Variants in FHOD3 observed in about 807,000 individuals in gnomAD.
FHOD3 encodes formin homology 2 domain containing 3.
Under a neutral mutation model 173.0 loss-of-function variants are expected in FHOD3, and 90 were observed. The ratio of observed to expected loss-of-function variants is 0.52; its 90% CI spans 0.44 to 0.62. The LOEUF (loss-of-function observed/expected upper bound fraction) is 0.62. Ranked by LOEUF, FHOD3 falls within the 20% of genes least tolerant of loss-of-function variation. The pLI is 0.00. For missense variants in FHOD3, 1,945 were observed against 2,034.7 expected (o/e 0.96, Z 0.85); for synonymous variants, 828 against 823.0 (o/e 1.01, Z -0.10).
intron 3 of FHOD3, among the ~76,000 whole-genome samples, chr18:36,440,971 G>A (rs1309969558): frequency 1.3e-5 from 2 of 152,044 alleles, no homozygotes; most frequent in Non-Finnish European, 2.9e-5. Flanking sequence ...TTTTGCAATT[G>A]GCAGGGCACC....
chr18:36,515,381 C>T (rs966015875), intron 5 of FHOD3, among the ~76,000 whole-genome samples: 2 of 152,096 alleles, frequency 1.3e-5, no homozygotes, highest in African/African-American at 4.8e-5. Context: ...CCACACCTGC[C>T]TAATTTTTTT....
chr18:36,573,733 A>G (rs1250428084), intron 5 of FHOD3, among the ~76,000 whole-genome samples: 3 of 152,234 alleles, frequency 2.0e-5, no homozygotes, highest in Non-Finnish European at 4.4e-5. Flanking sequence ...ACAAGTTAGG[A>G]CATAGCTTTG....
intron 9 of FHOD3, among the ~76,000 whole-genome samples, chr18:36,620,901 A>T (rs560541303): frequency 2.6e-5 from 4 of 151,338 alleles, no homozygotes; most frequent in Admixed American, 2.0e-4. Context: ...AGCAGAACCA[A>T]TTTTTTTTTT....
At chr18:36,544,167 G>A (rs2147167246) in intron 5 of FHOD3, among the ~76,000 whole-genome samples, 1 of 152,334 alleles carries the variant, frequency 6.6e-6, no homozygotes, top group Non-Finnish European at 1.5e-5. Flanking sequence ...GCAGCTGCGG[G>A]TTAGAAACGA....
chr18:36,328,167 G>C (rs1044539123), intron 1 of FHOD3, among the ~76,000 whole-genome samples: 2 of 152,200 alleles, frequency 1.3e-5, no homozygotes, highest in Non-Finnish European at 2.9e-5. Context: ...TGACCGCATG[G>C]ACCTGGTATC....
At chr18:36,570,642 G>GCAA (rs2058420368) in intron 5 of FHOD3, among the ~76,000 whole-genome samples, 1 of 152,046 alleles carries the variant, frequency 6.6e-6, no homozygotes, top group Non-Finnish European at 1.5e-5. Context: ...ACAAATATTA[G>GCAA]TAAATCAAAT....
chr18:36,573,222 A>C (rs2058518333), intron 5 of FHOD3, among the ~76,000 whole-genome samples: 1 of 151,766 alleles, frequency 6.6e-6, no homozygotes, highest in Non-Finnish European at 1.5e-5. Flanking sequence ...AAAGCTGGGA[A>C]AATAGGAAAA....
At chr18:36,439,531 G>A (rs867455308) in intron 3 of FHOD3, among the ~76,000 whole-genome samples, 3,272 of 141,430 alleles carry the variant, frequency 0.023, 48 homozygotes, top group Middle Eastern at 0.042. Context: ...ATGTGTGTGT[G>A]TGTGTGTGTG....
At position 36,382,290 on chromosome 18, in the gene FHOD3, T is replaced by C. The variant is rs191555827; in HGVS notation, c.337+9546T>C. On this transcript the variant is annotated intron_variant, in intron 3 of 28. Coordinates refer to ENST00000590592, the MANE Select transcript of FHOD3 (RefSeq NM_001281740.3). Reference sequence around the variant, plus strand: ...CTTCATTAGGGATGGGCTGTGGCTCTTCCTGTCACTGCCCACCAGAGCACT... The same window carrying C: ...CTTCATTAGGGATGGGCTGTGGCTCCTCCTGTCACTGCCCACCAGAGCACT... Among the ~76,000 whole-genome samples the C allele has an allele frequency of 2.0e-3, 298 of 152,332 alleles. 2 individuals are homozygous for C. The Middle Eastern group carries it at 0.037, about 19-fold the overall frequency.
At chr18:36,771,496 A>G (rs2043378763) in intron 28 of FHOD3, among the ~76,000 whole-genome samples, 5 of 152,156 alleles carry the variant, frequency 3.3e-5, no homozygotes, top group Admixed American at 3.3e-4. Flanking sequence ...TGGTTTGTCT[A>G]TATCATTGGC....
At chr18:36,683,951 T>C (rs914397259) in intron 15 of FHOD3, among the ~76,000 whole-genome samples, 1 of 152,332 alleles carries the variant, frequency 6.6e-6, no homozygotes, top group Non-Finnish European at 1.5e-5. Context: ...GCCTTCTGGC[T>C]GGAGGACCAT....
intron 14 of FHOD3, among the ~76,000 whole-genome samples, chr18:36,673,224 C>T (rs1164129546): frequency 1.3e-5 from 2 of 152,034 alleles, no homozygotes; most frequent in African/African-American, 4.8e-5. Flanking sequence ...TGTCTTGTAT[C>T]GTTCTTCTGG....
chr18:36,639,229 A>G (rs1246713769), intron 10 of FHOD3, among the ~76,000 whole-genome samples: 3 of 152,128 alleles, frequency 2.0e-5, no homozygotes, highest in African/African-American at 7.2e-5. Context: ...TGCTCTGTCA[A>G]CTTCTGAGGG....
At chr18:36,395,514 T>TA (rs1186676025) in intron 3 of FHOD3, among the ~76,000 whole-genome samples, 1 of 152,134 alleles carries the variant, frequency 6.6e-6, no homozygotes, top group Non-Finnish European at 1.5e-5. Flanking sequence ...GTCTTTGATG[T>TA]AAAAAAATGT....
At chr18:36,467,930 C>T (rs1176390627) in intron 3 of FHOD3, among the ~76,000 whole-genome samples, 1 of 152,182 alleles carries the variant, frequency 6.6e-6, no homozygotes, top group African/African-American at 2.4e-5. Flanking sequence ...GAAGTGGGTC[C>T]AAATGTTAAG....
chr18:36,664,070 G>A (rs1169943549), intron 14 of FHOD3, among the ~76,000 whole-genome samples: 2 of 151,794 alleles, frequency 1.3e-5, no homozygotes, highest in African/African-American at 4.8e-5. Context: ...TCTATCACTT[G>A]GTCAACCCAA....
At chr18:36,716,688 G>A (rs570045252) in intron 18 of FHOD3, among the ~76,000 whole-genome samples, 1 of 152,312 alleles carries the variant, frequency 6.6e-6, no homozygotes, top group Admixed American at 6.5e-5. Flanking sequence ...TGTGTCTAGT[G>A]CAACACAAAA....
intron 24 of FHOD3, among the ~76,000 whole-genome samples, chr18:36,748,360 A>ACG (rs995010227): frequency 7.1e-6 from 1 of 141,046 alleles, no homozygotes; most frequent in Admixed American, 7.4e-5. Flanking sequence ...AAATACACGC[A>ACG]CGCGCACACA....
intron 3 of FHOD3, among the ~76,000 whole-genome samples, chr18:36,390,119 C>T (rs906132625): frequency 6.6e-6 from 1 of 152,114 alleles, no homozygotes; most frequent in Non-Finnish European, 1.5e-5. Context: ...GACTGGGCTC[C>T]GGCATTGAGG....
Sources: allele counts gnomAD v4.1 joint callset (sites outside exome capture counted in the v4.1 genomes callset), GRCh38; gene constraint gnomAD v4.1.1; transcripts MANE v1.5; gene names NCBI Gene and HGNC (gene_info 2026-07-23, HGNC 2026-07-21).